The following CUL1 variants were observed in gnomAD, a reference collection of about 807,000 sequenced individuals.
CUL1 encodes cullin 1, also known as cullin-1.
In CUL1, 24 loss-of-function variants were observed where a neutral mutation model predicts 118.0. The observed-to-expected ratio is 0.20, with a 90% CI of 0.15 to 0.29. The LOEUF (loss-of-function observed/expected upper bound fraction) is 0.29, where lower values mean the gene tolerates loss of function less well. Among genes scored for constraint, CUL1 ranks in the 10% least tolerant of loss-of-function variants. The pLI is 1.00. For missense variants in CUL1, 361 were observed against 933.8 expected (o/e 0.39, Z 7.99); for synonymous variants, 332 against 340.4 (o/e 0.98, Z 0.27).
chr7:148,753,280 A>C (rs959435758), intron 2 of CUL1, among the ~76,000 whole-genome samples: 2 of 152,216 alleles, frequency 1.3e-5, no homozygotes, highest in African/African-American at 4.8e-5. Flanking sequence ...TTAATAATAC[A>C]TGCAGATAAG....
chr7:148,718,906 T>G (rs1289350346), intron 1 of CUL1, among the ~76,000 whole-genome samples: 1 of 152,212 alleles, frequency 6.6e-6, no homozygotes. Context: ...ATTCGTTATT[T>G]GAGAAGCAGA....
chr7:148,710,097 A>G (rs1468537544), intron 1 of CUL1, among the ~76,000 whole-genome samples: 1 of 152,178 alleles, frequency 6.6e-6, no homozygotes, highest in Non-Finnish European at 1.5e-5. Flanking sequence ...AAAAATAAAT[A>G]AGTAAAATAT....
chr7:148,757,519 T>C (rs1799694086), intron 4 of CUL1, among the ~76,000 whole-genome samples: 1 of 152,216 alleles, frequency 6.6e-6, no homozygotes, highest in Non-Finnish European at 1.5e-5. Context: ...CCCTGAGGAT[T>C]AGCCCTCCCA....
chr7:148,783,293 G>A (rs1436818707), intron 9 of CUL1: 27 of 982,878 alleles, frequency 2.7e-5, no homozygotes, highest in Non-Finnish European at 3.0e-5. Flanking sequence ...GCATCGCCAC[G>A]CGGATCCGCG....
At chr7:148,795,763 C>CTT (rs1277776218) in intron 17 of CUL1, among the ~76,000 whole-genome samples, 1 of 133,720 alleles carries the variant, frequency 7.5e-6, no homozygotes, top group East Asian at 2.1e-4. Flanking sequence ...GAGCAAGACT[C>CTT]TGTCTCAAAA....
chr7:148,720,665 AAGTC>A (rs1798370077), intron 1 of CUL1, among the ~76,000 whole-genome samples: 1 of 152,166 alleles, frequency 6.6e-6, no homozygotes, highest in Non-Finnish European at 1.5e-5. Flanking sequence ...TCTGACAACT[AAGTC>A]AGGAAGAAAG....
At chr7:148,769,483 A>G (rs1246892222) in intron 9 of CUL1, among the ~76,000 whole-genome samples, 1 of 150,854 alleles carries the variant, frequency 6.6e-6, no homozygotes, top group Non-Finnish European at 1.5e-5. Context: ...AGAAGGGGTC[A>G]ATTCGGTGAA....
intron 1 of CUL1, among the ~76,000 whole-genome samples, chr7:148,699,292 G>T (rs954069149): frequency 1.3e-5 from 2 of 151,894 alleles, no homozygotes; most frequent in African/African-American, 4.8e-5. Flanking sequence ...GCCAGGCCTG[G>T]ACTACGCACT....
At chr7:148,771,691 C>T (rs945817850) in intron 9 of CUL1, among the ~76,000 whole-genome samples, 1 of 152,190 alleles carries the variant, frequency 6.6e-6, no homozygotes, top group African/African-American at 2.4e-5. Context: ...GAACCTTGCA[C>T]ACAAATATTC....
intron 9 of CUL1, among the ~76,000 whole-genome samples, chr7:148,774,178 C>T (rs544238628): frequency 1.2e-4 from 19 of 152,260 alleles, no homozygotes; most frequent in African/African-American, 4.1e-4. Flanking sequence ...TGATTTGCCT[C>T]GAAATCGTTG....
At chr7:148,782,663 T>G (rs2129462428) in intron 9 of CUL1, among the ~76,000 whole-genome samples, 1 of 152,320 alleles carries the variant, frequency 6.6e-6, no homozygotes, top group Non-Finnish European at 1.5e-5. Flanking sequence ...AGGAAACTTC[T>G]GACACTCTTA....
intron 9 of CUL1, among the ~76,000 whole-genome samples, chr7:148,776,846 GA>G (rs1800418821): frequency 6.6e-6 from 1 of 152,176 alleles, no homozygotes; most frequent in African/African-American, 2.4e-5. Flanking sequence ...CATCCTCACT[GA>G]GTCAGGCAGC....
chr7:148,712,759 GA>G (rs935947859), intron 1 of CUL1, among the ~76,000 whole-genome samples: 1 of 152,196 alleles, frequency 6.6e-6, no homozygotes, highest in Admixed American at 6.5e-5. Context: ...TACAGGCGCA[GA>G]AGTTAAGGAA....
intron 3 of CUL1, 56 bp downstream of exon 3, chr7:148,754,206 A>G: frequency 8.7e-7 from 1 of 1,155,720 alleles, no homozygotes; most frequent in Admixed American, 2.6e-5. Flanking sequence ...AAAAAGTGAA[A>G]TAATGGTTCT....
At chr7:148,781,157 C>T (rs1800618463) in intron 9 of CUL1, among the ~76,000 whole-genome samples, 1 of 142,032 alleles carries the variant, frequency 7.0e-6, no homozygotes, top group Non-Finnish European at 1.5e-5. Flanking sequence ...TCTCGGCTCA[C>T]TGCATCCTCC....
rs568445548 is a variant in CUL1, at chr7:148,734,670, A to G, written c.140+4408A>G. On this transcript the variant is annotated intron_variant, in intron 2 of 21. Coordinates refer to ENST00000325222, the MANE Select transcript of CUL1 (RefSeq NM_003592.3). ...TCTTATTCAATTTATTGACACCGCT[A>G]TATTTCAGGTGTTGTGCTTAGGTTG... is the stretch of plus-strand genomic sequence containing the variant. Among the ~76,000 whole-genome samples, 6 of 152,298 alleles carry G rather than the reference A, an allele frequency of 3.9e-5. No individual in the cohort carries two copies. The South Asian group carries it at 6.2e-4, about 16-fold the overall frequency.
rs1189777955 is a variant in CUL1 at position 148,730,164 on chromosome 7, G to T, written c.42G>T (p.Gln14His). ...GCCAGAACCCCCACGGCCTGAAGCA[G>T]ATTGGCCTGGACCAGATCTGGGACG... ...TRSQNPHGLK[Q>H]IGLDQIWDDL... is the part of the protein sequence containing the mutation. Residue 14 changes from glutamine to histidine, a missense_variant, in exon 2 of 22, where the codon CAG becomes CAT. Gln to His is a conservative substitution (Grantham distance 24). Around this residue, in one of 7 missense-constraint regions of CUL1, gnomAD observed 22 missense variants for 20.6 expected, o/e 1.07. Coordinates refer to ENST00000325222, the MANE Select transcript of CUL1 (RefSeq NM_003592.3). 1 of 1,614,138 alleles carries T rather than the reference G, an allele frequency of 6.2e-7. No individual in the cohort carries two copies. The highest frequency in any genetic ancestry group is 8.5e-7 in the Non-Finnish European group (1 of 1,180,028).
Position 148,756,975 on chromosome 7 carries a change from GT to G in CUL1, c.316-3del. The stretch of plus-strand genomic sequence containing the variant: ...GTCATCTTAAAGCTTTAGTTAACTT[GT>G]TTTTAGGATGGAGAAGATTTGATGG... On this transcript the variant is annotated splice_region_variant and splice_polypyrimidine_tract_variant and intron_variant, in intron 3 of 21. Transcript: ENST00000325222. The G allele has an allele frequency of 1.9e-6, 3 of 1,566,454 alleles. No homozygotes were observed. The highest frequency in any genetic ancestry group is 1.2e-5 in the South Asian group (1 of 81,574).
At chr7:148,750,827 C>T (rs1799466148) in intron 2 of CUL1, among the ~76,000 whole-genome samples, 1 of 151,964 alleles carries the variant, frequency 6.6e-6, no homozygotes, top group Non-Finnish European at 1.5e-5. Context: ...CTAAGTCAAG[C>T]CAATGTGGTG....
Sources: allele counts gnomAD v4.1 joint callset (sites outside exome capture counted in the v4.1 genomes callset), GRCh38; gene constraint gnomAD v4.1.1; regional missense constraint gnomAD v4.1.1; transcripts MANE v1.5; gene names NCBI Gene and HGNC (gene_info 2026-07-23, HGNC 2026-07-21).